NCOA2: variants seen among roughly 807,000 people sequenced by gnomAD.
NCOA2 encodes the protein class E basic helix-loop-helix protein 75.
Under a neutral mutation model 145.1 loss-of-function variants are expected in NCOA2, and 21 were observed. The observed-to-expected ratio is 0.14, with a 90% CI of 0.10 to 0.21. The LOEUF is 0.21. Ranked by LOEUF, NCOA2 falls within the 10% of genes least tolerant of loss-of-function variation. The probability of loss-of-function intolerance (pLI) is 1.00; values close to 1 mark genes in which losing one functional copy is unlikely to be tolerated. For synonymous variants in NCOA2, 619 were observed against 637.5 expected (o/e 0.97, Z 0.44); for missense variants, 1,472 against 1,837.6 (o/e 0.80, Z 3.64).
At chr8:70,242,006 A>C (rs2134468557) in intron 2 of NCOA2, among the ~76,000 whole-genome samples, 1 of 152,246 alleles carries the variant, frequency 6.6e-6, no homozygotes, top group East Asian at 1.9e-4. Context: ...ATTTGGAAAA[A>C]CCAATTAATG....
intron 2 of NCOA2, among the ~76,000 whole-genome samples, chr8:70,258,202 C>T (rs1035416436): frequency 1.3e-5 from 2 of 152,154 alleles, no homozygotes; most frequent in African/African-American, 4.8e-5. Context: ...CAGGTGTGAA[C>T]CACCTGTAAT....
intron 4 of NCOA2, among the ~76,000 whole-genome samples, chr8:70,193,180 C>G (rs1466365128): frequency 6.6e-6 from 1 of 151,264 alleles, no homozygotes; most frequent in East Asian, 1.9e-4. Flanking sequence ...AAAGAACTAT[C>G]TATCATTACA....
intron 2 of NCOA2, among the ~76,000 whole-genome samples, chr8:70,250,774 G>C (rs571829659): frequency 2.0e-5 from 3 of 152,234 alleles, no homozygotes; most frequent in African/African-American, 7.2e-5. Flanking sequence ...GATAAGCTCT[G>C]AAGGTGACAT....
At chr8:70,237,224 C>T (rs1821703069) in intron 2 of NCOA2, among the ~76,000 whole-genome samples, 1 of 151,900 alleles carries the variant, frequency 6.6e-6, no homozygotes, top group African/African-American at 2.4e-5. Flanking sequence ...ATTATTATTC[C>T]CTGAATGAAA....
At chr8:70,326,646 C>T (rs1326206963) in intron 1 of NCOA2, among the ~76,000 whole-genome samples, 1 of 152,080 alleles carries the variant, frequency 6.6e-6, no homozygotes. Context: ...TCATTGGTCA[C>T]GGCCTCCAGT....
chr8:70,179,640 C>A (rs955652070), intron 4 of NCOA2, among the ~76,000 whole-genome samples: 4 of 152,134 alleles, frequency 2.6e-5, no homozygotes, highest in African/African-American at 9.7e-5. Context: ...TTAAATAAGG[C>A]AGTTTTCTCA....
At chr8:70,437,615 T>G in the NCOA2 span, among the ~76,000 whole-genome samples, 1 of 152,246 alleles carries the variant, frequency 6.6e-6, no homozygotes. Flanking sequence ...TGTTTCCCAG[T>G]GCATAAGACA....
chr8:70,199,293 C>CA (rs930673002), intron 4 of NCOA2, among the ~76,000 whole-genome samples: 2 of 151,076 alleles, frequency 1.3e-5, no homozygotes, highest in Non-Finnish European at 3.0e-5. Context: ...ACTAAAAATA[C>CA]AAAAAAAATT....
chr8:70,436,494 G>A, the NCOA2 span, among the ~76,000 whole-genome samples: 2 of 152,156 alleles, frequency 1.3e-5, no homozygotes, highest in African/African-American at 2.4e-5. Flanking sequence ...AAATGGTTTC[G>A]TGTTCCCATA....
intron 2 of NCOA2, among the ~76,000 whole-genome samples, chr8:70,222,875 A>G (rs1014837897): frequency 2.0e-5 from 3 of 152,194 alleles, no homozygotes; most frequent in Admixed American, 6.5e-5. Context: ...CATTACCAAC[A>G]TGGGCGAAAA....
chr8:70,121,186 T>C, intron 22 of NCOA2, 116 bp downstream of exon 22: 1 of 814,890 alleles, frequency 1.2e-6, no homozygotes, highest in Admixed American at 2.2e-5. Flanking sequence ...AACCAGAAGA[T>C]ATTTTACGAT....
chr8:70,442,355 A>G, the NCOA2 span, among the ~76,000 whole-genome samples: 1 of 152,290 alleles, frequency 6.6e-6, no homozygotes, highest in Non-Finnish European at 1.5e-5. Flanking sequence ...AGGTTATCTT[A>G]GTGTTTACTT....
the NCOA2 span, among the ~76,000 whole-genome samples, chr8:70,435,494 C>A: frequency 6.8e-6 from 1 of 146,496 alleles, no homozygotes; most frequent in Non-Finnish European, 1.5e-5. Flanking sequence ...CAACTGAGGT[C>A]CTAGCTCTAC....
chr8:70,342,300 A>G (rs1808208104), intron 1 of NCOA2, among the ~76,000 whole-genome samples: 2 of 152,282 alleles, frequency 1.3e-5, no homozygotes, highest in South Asian at 4.1e-4. Context: ...CAAAACAATA[A>G]ACCCTAAGGC....
chr8:70,325,093 T>C (rs1458506810), intron 1 of NCOA2, among the ~76,000 whole-genome samples: 8 of 152,232 alleles, frequency 5.3e-5, no homozygotes, highest in Non-Finnish European at 5.9e-5. Context: ...GTTATTCCTA[T>C]CTTAAGAATA....
intron 1 of NCOA2, among the ~76,000 whole-genome samples, chr8:70,377,767 C>G (rs964851301): frequency 1.3e-5 from 2 of 152,088 alleles, no homozygotes; most frequent in Non-Finnish European, 2.9e-5. Context: ...TAATTGAGCA[C>G]CAAAAATGTG....
chr8:70,341,577 T>C (rs1808145885), intron 1 of NCOA2, among the ~76,000 whole-genome samples: 2 of 152,344 alleles, frequency 1.3e-5, no homozygotes, highest in South Asian at 4.1e-4. Context: ...CTTGCAATGA[T>C]GCATGCCTGA....
intron 1 of NCOA2, among the ~76,000 whole-genome samples, chr8:70,389,400 C>A (rs1221490009): frequency 6.6e-6 from 1 of 152,006 alleles, no homozygotes; most frequent in East Asian, 1.9e-4. Context: ...CCTGCCTCAG[C>A]CTCCGGAGTA....
chr8:70,450,541 T>C, the NCOA2 span, among the ~76,000 whole-genome samples: 4 of 151,078 alleles, frequency 2.6e-5, no homozygotes, highest in African/African-American at 7.3e-5. Flanking sequence ...TAAAGCAACC[T>C]GAACAGATGC....
Sources: gnomAD v4.1 joint callset for allele counts (sites outside exome capture counted in the v4.1 genomes callset) on GRCh38, gnomAD v4.1.1 for gene constraint, MANE v1.5 for transcripts, NCBI Gene and HGNC (gene_info 2026-07-23, HGNC 2026-07-21) for gene names.